The following SPAG17 variants were observed in gnomAD, a reference collection of about 807,000 sequenced individuals.
SPAG17 encodes sperm associated antigen 17.
SPAG17 carries 169 observed loss-of-function variants against 273.6 expected under a neutral mutation model. That is an observed-to-expected ratio of 0.62 (90% CI 0.55 to 0.70). The LOEUF is 0.70. Among genes scored for constraint, SPAG17 ranks in the 30% least tolerant of loss-of-function variants. The probability of loss-of-function intolerance (pLI) is 0.00; values close to 1 mark genes in which losing one functional copy is unlikely to be tolerated. For synonymous variants in SPAG17, 825 were observed against 873.2 expected (o/e 0.94, Z 0.97); for missense variants, 2,557 against 2,627.8 (o/e 0.97, Z 0.59).
intron 1 of SPAG17, among the ~76,000 whole-genome samples, chr1:118,160,989 G>T (rs1659882150): frequency 6.6e-6 from 1 of 152,224 alleles, no homozygotes; most frequent in Admixed American, 6.5e-5. Flanking sequence ...AGCAAGAATA[G>T]TGTCAGGGAA....
At chr1:118,106,285 T>C (rs978156641) in intron 4 of SPAG17, among the ~76,000 whole-genome samples, 1 of 152,236 alleles carries the variant, frequency 6.6e-6, no homozygotes, top group African/African-American at 2.4e-5. Flanking sequence ...CCAAATATTC[T>C]ATCTCGTCAA....
chr1:118,041,706 G>A lies in SPAG17; in HGVS notation c.3054+97C>T, dbSNP rs1391586012. 4 of 1,464,394 alleles carry A rather than the reference G, an allele frequency of 2.7e-6. No individual in the cohort carries two copies. In the Admixed American group the frequency reaches 8.8e-5, roughly 32 times the overall value. 90.7% of individuals were successfully genotyped at this position (1,464,394 alleles called of 1,614,324 possible). On this transcript the variant is annotated intron_variant, in intron 21 of 48. Coordinates refer to ENST00000336338, the MANE Select transcript of SPAG17 (RefSeq NM_206996.4). Reference sequence around the variant, plus strand: ...CCAGAAGAAACCCTAGGCCTACTGTGGGGTAGTGAAAACAAAAGAATCTTA... The same window carrying A: ...CCAGAAGAAACCCTAGGCCTACTGTAGGGTAGTGAAAACAAAAGAATCTTA...
chr1:118,035,314 G>A (rs892676603), intron 24 of SPAG17, among the ~76,000 whole-genome samples: 1 of 152,130 alleles, frequency 6.6e-6, no homozygotes, highest in Non-Finnish European at 1.5e-5. Context: ...ACTAAATCAA[G>A]ATTAATAAAA....
At chr1:117,962,847 C>G (rs1428429033) in intron 48 of SPAG17, 1 of 152,176 alleles carries the variant, frequency 6.6e-6, no homozygotes, top group Non-Finnish European at 1.5e-5. Context: ...ATTCACTTAG[C>G]TGTAAATGAT....
At chr1:118,137,003 C>A (rs1269084723) in intron 3 of SPAG17, among the ~76,000 whole-genome samples, 1 of 152,146 alleles carries the variant, frequency 6.6e-6, no homozygotes, top group African/African-American at 2.4e-5. Context: ...AATTTGCTGT[C>A]ATTCCTCAAA....
rs992413330 is a variant in SPAG17 at position 118,183,929 on chromosome 1, G to A, written c.87+1142C>T. Among the ~76,000 whole-genome samples the A allele has an allele frequency of 2.6e-5, 4 of 152,250 alleles. No homozygotes were observed. In the East Asian group the frequency reaches 7.7e-4, roughly 29 times the overall value. ...CTTTGAGAATTTGAGAATGTAACTG[G>A]GGATTACTGAGTTGACATCCAGCAT... On this transcript the variant is annotated intron_variant, in intron 1 of 48. Coordinates refer to ENST00000336338, the MANE Select transcript of SPAG17 (RefSeq NM_206996.4).
chr1:118,032,232 T>TC (rs547045354), intron 24 of SPAG17, among the ~76,000 whole-genome samples: 227 of 152,082 alleles, frequency 1.5e-3, no homozygotes, highest in African/African-American at 5.1e-3. Flanking sequence ...CAGAAAATAA[T>TC]GAAAAAAATG....
Position 117,963,897 on chromosome 1 carries a change from A to G in SPAG17, c.6574T>C (p.Phe2192Leu), listed in dbSNP as rs146208976. 5.6e-6 allele frequency: 9 copies of G among 1,613,982 alleles called. No individual in the cohort carries two copies. Among genetic ancestry groups the G allele is most frequent in the Non-Finnish European group, 6.8e-6 (8 of 1,179,910 alleles). Residue 2192 changes from phenylalanine (F) to leucine (L), a missense_variant, in exon 48 of 49, where the codon TTT (phenylalanine) becomes CTT (leucine). By Grantham distance (22) the Phe-to-Leu change is conservative. Coordinates refer to ENST00000336338, the MANE Select transcript of SPAG17 (RefSeq NM_206996.4). Reference sequence around the variant, plus strand: ...ATTGGATTTTCTTTTCCCTGGGGAAAGTCTTTTGGTCGTTTATCATAATTG... The same window carrying G: ...ATTGGATTTTCTTTTCCCTGGGGAAGGTCTTTTGGTCGTTTATCATAATTG... Reference protein sequence around the residue: ...SSNYDKRPKDFPQGKENPMVQ... With the variant: ...SSNYDKRPKDLPQGKENPMVQ...
At chr1:118,061,657 G>A (rs1652308020) in intron 18 of SPAG17, among the ~76,000 whole-genome samples, 1 of 152,192 alleles carries the variant, frequency 6.6e-6, no homozygotes, top group Non-Finnish European at 1.5e-5. Context: ...AAATGGACAT[G>A]AGGACATTTT....
chr1:117,964,078 C>A, intron 47 of SPAG17, 140 bp from the exon 48 acceptor site: 6 of 911,752 alleles, frequency 6.6e-6, no homozygotes, highest in Non-Finnish European at 4.9e-6. Flanking sequence ...AATGCAAATT[C>A]TGCATGCTCA....
intron 23 of SPAG17, among the ~76,000 whole-genome samples, chr1:118,037,781 A>G (rs1649259555): frequency 6.6e-6 from 1 of 152,278 alleles, no homozygotes; most frequent in Non-Finnish European, 1.5e-5. Context: ...TTTCTTTGCT[A>G]TCATGAATAG....
chr1:118,024,063 C>T (rs937613396), intron 27 of SPAG17, among the ~76,000 whole-genome samples: 3 of 152,128 alleles, frequency 2.0e-5, no homozygotes, highest in African/African-American at 7.2e-5. Context: ...TCTATCTGTG[C>T]AGTCCTAAAA....
At position 117,963,926 on chromosome 1, in the gene SPAG17, C is replaced by T. The variant is rs1195421227; in HGVS notation, c.6545G>A (p.Ser2182Asn). ...TTTTGGTCGTTTATCATAATTGCTG[C>T]TTGTTAAAACAGGTAAAATACTTGT... The part of the protein sequence containing the change: ...FLPVEATVLT[S>N]SNYDKRPKDF... Residue 2182 changes from serine to asparagine, a missense_variant, in exon 48 of 49, where the codon AGC (serine) becomes AAC (asparagine). Physicochemically the swap from Ser to Asn is conservative, Grantham distance 46. Transcript: ENST00000336338. 1 of 1,613,594 alleles carries T rather than the reference C, an allele frequency of 6.2e-7. No individual in the cohort carries two copies. Among genetic ancestry groups the T allele is most frequent in the Non-Finnish European group, 8.5e-7 (1 of 1,179,796 alleles).
At chr1:117,957,842 C>T (rs1392941614) in intron 48 of SPAG17, among the ~76,000 whole-genome samples, 2 of 152,118 alleles carry the variant, frequency 1.3e-5, no homozygotes, top group Non-Finnish European at 2.9e-5. Flanking sequence ...TTGCTTTGTC[C>T]TTTACCAACA....
intron 1 of SPAG17, among the ~76,000 whole-genome samples, chr1:118,170,871 T>C (rs1660387539): frequency 6.6e-6 from 1 of 152,210 alleles, no homozygotes. Flanking sequence ...ATCCTGTGGC[T>C]TTAGTCTGGA....
At chr1:118,030,208 A>G (rs1369542975) in intron 25 of SPAG17, among the ~76,000 whole-genome samples, 3 of 152,100 alleles carry the variant, frequency 2.0e-5, no homozygotes, top group Non-Finnish European at 4.4e-5. Flanking sequence ...TAACTATGTA[A>G]ATGTGGTACA....
chr1:118,051,962 T>C (rs992553714), intron 20 of SPAG17, among the ~76,000 whole-genome samples: 7 of 137,382 alleles, frequency 5.1e-5, no homozygotes, highest in African/African-American at 1.9e-4. Flanking sequence ...ATATATTACA[T>C]TATGTACATA....
At chr1:118,048,850 T>G (rs1212509009) in intron 20 of SPAG17, among the ~76,000 whole-genome samples, 1 of 151,990 alleles carries the variant, frequency 6.6e-6, no homozygotes, top group Non-Finnish European at 1.5e-5. Context: ...GAGCCGGGAT[T>G]GCACCACTGC....
chr1:118,014,108 G>T (rs1659738090), intron 29 of SPAG17, among the ~76,000 whole-genome samples: 2 of 152,172 alleles, frequency 1.3e-5, no homozygotes, highest in Non-Finnish European at 2.9e-5. Flanking sequence ...TCTACCATTT[G>T]CTGTGTGACC....
Sources: gnomAD v4.1 joint callset for allele counts (sites outside exome capture counted in the v4.1 genomes callset) on GRCh38, gnomAD v4.1.1 for gene constraint, MANE v1.5 for transcripts, NCBI Gene and HGNC (gene_info 2026-07-23, HGNC 2026-07-21) for gene names.